Variants in ZC3H12B observed in about 807,000 individuals in gnomAD.
ZC3H12B encodes the protein zinc finger CCCH-type containing 12B.
A neutral mutation model predicts 43.9 loss-of-function variants in ZC3H12B; 7 were observed. The ratio of observed to expected loss-of-function variants is 0.16; its 90% CI spans 0.09 to 0.30. ZC3H12B has a LOEUF of 0.30. ZC3H12B is among the 10% of genes least tolerant of loss of function. The pLI, the probability that ZC3H12B is intolerant of heterozygous loss-of-function variation, is 1.00. For missense variants in ZC3H12B, 475 were observed against 670.2 expected (o/e 0.71, Z 3.22); for synonymous variants, 222 against 241.7 (o/e 0.92, Z 0.76).
At chrX:65,144,396 A>C in the ZC3H12B span, among the ~76,000 whole-genome samples, 1 of 111,901 alleles carries the variant, frequency 8.9e-6, no homozygotes, top group Non-Finnish European at 1.9e-5. Context: ...ATGGTCTACC[A>C]ATGTTATTTA....
At chrX:65,127,620 G>A in the ZC3H12B span, among the ~76,000 whole-genome samples, 1 of 111,215 alleles carries the variant, frequency 9.0e-6, no homozygotes, top group East Asian at 2.9e-4. Flanking sequence ...GGCTACCAGG[G>A]TAGGTAGAGA....
chrX:65,373,984 C>CTA (rs1242688285), intron 2 of ZC3H12B, among the ~76,000 whole-genome samples: 2 of 6,132 alleles, frequency 3.3e-4, no homozygotes, highest in Admixed American at 4.1e-3. Flanking sequence ...TATATATATA[C>CTA]TATATATATA....
the ZC3H12B span, among the ~76,000 whole-genome samples, chrX:65,140,897 A>T: frequency 9.0e-6 from 1 of 111,452 alleles, no homozygotes; most frequent in Non-Finnish European, 1.9e-5. Context: ...TTGCAGTTTT[A>T]TCATATTGTT....
the ZC3H12B span, among the ~76,000 whole-genome samples, chrX:65,151,672 A>G: frequency 8.9e-6 from 1 of 111,828 alleles, no homozygotes; most frequent in Non-Finnish European, 1.9e-5. Context: ...GACTTGTACC[A>G]TTCCTTCTGA....
At chrX:65,120,626 T>A in the ZC3H12B span, among the ~76,000 whole-genome samples, 1 of 111,424 alleles carries the variant, frequency 9.0e-6, no homozygotes, top group East Asian at 2.9e-4. Flanking sequence ...TTTTCCTAAT[T>A]GAATACCCTT....
the ZC3H12B span, chrX:65,271,134 A>T: frequency 2.7e-5 from 3 of 112,629 alleles, no homozygotes; most frequent in African/African-American, 9.7e-5. Flanking sequence ...AGCAGCCAGA[A>T]TCCTAGCGGT....
intron 3 of ZC3H12B, among the ~76,000 whole-genome samples, chrX:65,406,623 T>C (rs1336397231): frequency 0.039 from 181 of 4,654 alleles, no homozygotes; most frequent in African/African-American, 0.12. Context: ...TGGGCGGGAC[T>C]GGGCGGGGCC....
chrX:65,222,298 G>C, the ZC3H12B span, among the ~76,000 whole-genome samples: 1 of 110,865 alleles, frequency 9.0e-6, no homozygotes, highest in African/African-American at 3.3e-5. Context: ...ACAAGACAAG[G>C]ATGTTCACTT....
At chrX:65,340,485 C>T in the ZC3H12B span, among the ~76,000 whole-genome samples, 1 of 111,794 alleles carries the variant, frequency 8.9e-6, no homozygotes, top group Admixed American at 9.4e-5. Context: ...CTGGCAGCAC[C>T]TCCATTCCCC....
At chrX:65,074,757 C>T in the ZC3H12B span, among the ~76,000 whole-genome samples, 1 of 111,684 alleles carries the variant, frequency 9.0e-6, no homozygotes, top group African/African-American at 3.3e-5. Context: ...TTGAAACTGT[C>T]TAGTGAATTT....
At chrX:65,190,094 G>C in the ZC3H12B span, among the ~76,000 whole-genome samples, 1 of 111,357 alleles carries the variant, frequency 9.0e-6, no homozygotes, top group Non-Finnish European at 1.9e-5. Context: ...GTTTGTCAAA[G>C]ATCAGATAGT....
the ZC3H12B span, among the ~76,000 whole-genome samples, chrX:65,227,421 G>T: frequency 9.0e-6 from 1 of 111,340 alleles, no homozygotes; most frequent in African/African-American, 3.3e-5. Context: ...ATGCCCACAA[G>T]AGAAAGCAGG....
At chrX:65,323,262 G>T in the ZC3H12B span, among the ~76,000 whole-genome samples, 4 of 111,998 alleles carry the variant, frequency 3.6e-5, no homozygotes, top group African/African-American at 1.3e-4. Flanking sequence ...TCAACATTGA[G>T]TATAATGTTG....
intron 3 of ZC3H12B, among the ~76,000 whole-genome samples, chrX:65,441,287 C>T (rs1302971610): frequency 1.8e-5 from 2 of 112,156 alleles, no homozygotes; most frequent in Non-Finnish European, 3.8e-5. Context: ...GCTTCAGCGG[C>T]TTTACCAATT....
At chrX:65,085,459 T>A in the ZC3H12B span, among the ~76,000 whole-genome samples, 1 of 111,294 alleles carries the variant, frequency 9.0e-6, no homozygotes, top group Non-Finnish European at 1.9e-5. Flanking sequence ...ACCATGGTTT[T>A]GTGGTATTTT....
At chrX:65,459,387 T>G (rs1443165395) in intron 3 of ZC3H12B, among the ~76,000 whole-genome samples, 9 of 111,619 alleles carry the variant, frequency 8.1e-5, no homozygotes, top group Non-Finnish European at 7.5e-5. Context: ...TACCAAAGCC[T>G]GGCAGAGACA....
chrX:65,120,605 T>G, the ZC3H12B span, among the ~76,000 whole-genome samples: 2 of 111,476 alleles, frequency 1.8e-5, no homozygotes, highest in African/African-American at 6.5e-5. Context: ...CAGGGACAAT[T>G]TGACTTCCTT....
the ZC3H12B span, among the ~76,000 whole-genome samples, chrX:65,188,208 G>C: frequency 9.0e-6 from 1 of 111,100 alleles, no homozygotes; most frequent in Admixed American, 9.6e-5. Context: ...CTATTCATCT[G>C]TTGATGGACA....
At chrX:65,227,404 A>G in the ZC3H12B span, among the ~76,000 whole-genome samples, 1 of 111,694 alleles carries the variant, frequency 9.0e-6, no homozygotes, top group South Asian at 3.7e-4. Flanking sequence ...GAAATTTATA[A>G]CACTAAATGC....
Sources: allele counts gnomAD v4.1 joint callset (sites outside exome capture counted in the v4.1 genomes callset), GRCh38; gene constraint gnomAD v4.1.1; transcripts MANE v1.5; gene names NCBI Gene and HGNC (gene_info 2026-07-23, HGNC 2026-07-21).